Variants in PLEKHA5 observed in about 807,000 individuals in gnomAD.
PLEKHA5 encodes pleckstrin homology domain containing A5.
A neutral mutation model predicts 181.9 loss-of-function variants in PLEKHA5; 55 were observed. The observed-to-expected ratio is 0.30, with a 90% CI of 0.24 to 0.38. The LOEUF is 0.38. Among genes scored for constraint, PLEKHA5 ranks in the 10% least tolerant of loss-of-function variants. The pLI is 1.00. For synonymous variants in PLEKHA5, 535 were observed against 529.4 expected, an observed-to-expected ratio of 1.01 and a Z score of -0.15; for missense variants, 1,432 against 1,549.5, an observed-to-expected ratio of 0.92 and a Z score of 1.27.
rs2091080329 is a variant in PLEKHA5 at position 19,322,359 on chromosome 12, AAGAGAAACTT to A, written c.2268_2277del (p.Glu756AspfsTer22). ...CAAGATAAAGTGGTGCATGCTCTGG[AAGAGAAACTT>A]CAGCAACTCCACAAGGAGAAAGTAG... On this transcript the variant is annotated frameshift_variant, in exon 19 of 32. Coordinates refer to ENST00000429027, the MANE Select transcript of PLEKHA5 (RefSeq NM_001256470.2). LOFTEE classifies it high-confidence loss of function. 1 of 1,613,374 alleles carries A rather than the reference AAGAGAAACTT, an allele frequency of 6.2e-7. No homozygotes were observed. Among genetic ancestry groups the A allele is most frequent in the Non-Finnish European group, 8.5e-7 (1 of 1,179,454 alleles).
At chr12:19,166,892 T>C (rs896646382) in intron 3 of PLEKHA5, among the ~76,000 whole-genome samples, 1 of 152,226 alleles carries the variant, frequency 6.6e-6, no homozygotes, top group African/African-American at 2.4e-5. Context: ...AATTAAGTTA[T>C]CAAATTCCAA....
At chr12:19,225,202 A>G (rs2152330542) in intron 3 of PLEKHA5, among the ~76,000 whole-genome samples, 1 of 152,216 alleles carries the variant, frequency 6.6e-6, no homozygotes, top group Middle Eastern at 3.4e-3. Flanking sequence ...GAGAGTCTCA[A>G]TATTTCACGG....
Position 19,322,306 on chromosome 12 carries a change from C to T in PLEKHA5, c.2218-4C>T. ...CTAACAAGACATCTTCTCTTATAACCTAGGCCAAGTTAAGCCGATTATGTG... is the reference window on the plus strand; with the variant it reads ...CTAACAAGACATCTTCTCTTATAACTTAGGCCAAGTTAAGCCGATTATGTG... On this transcript the variant is annotated splice_region_variant and splice_polypyrimidine_tract_variant and intron_variant, in intron 18 of 31. Coordinates refer to ENST00000429027, the MANE Select transcript of PLEKHA5 (RefSeq NM_001256470.2). 6.2e-7 allele frequency: 1 copy of T among 1,607,390 alleles called. No individual in the cohort carries two copies.
In PLEKHA5 at chr12:19,287,547, A is replaced by G; in HGVS notation, c.1854A>G (p.Gln618=). ...TLQSVSPQSL[Q]GKTPEELTLL... ...AGTCTGTTAGTCCCCAGAGCCTCCA[A>G]GGGAAAACGGTGAGTAATATCTTTA... is the stretch of plus-strand genomic sequence containing the variant. The change falls in exon 13 of 32, where the codon CAA becomes CAG. Residue 618 remains glutamine (Q), a synonymous_variant. Coordinates refer to ENST00000429027, the MANE Select transcript of PLEKHA5 (RefSeq NM_001256470.2). 6.3e-7 allele frequency: 1 copy of G among 1,584,632 alleles called. No homozygotes were observed. Among genetic ancestry groups the G allele is most frequent in the East Asian group, 2.2e-5 (1 of 44,724 alleles).
chr12:19,129,983 G>A (rs1054855439), intron 1 of PLEKHA5, 68 bp from the exon 2 acceptor site: 22 of 1,453,220 alleles, frequency 1.5e-5, no homozygotes, highest in Non-Finnish European at 2.1e-5. Context: ...CTGTGCTCCT[G>A]CAGCCCCTCG....
chr12:19,179,379 G>A lies in PLEKHA5; in HGVS notation c.227+46929G>A, dbSNP rs144961246. On this transcript the variant is annotated intron_variant, in intron 3 of 31. Coordinates refer to ENST00000429027, the MANE Select transcript of PLEKHA5 (RefSeq NM_001256470.2). ...TGAACAAAAGAATGAAGTGTTGGCC[G>A]GGCGTGGTGGCTCACACCTGTAATC... is the stretch of plus-strand genomic sequence containing the variant. Among the ~76,000 whole-genome samples, 77 of 152,220 alleles carry A rather than the reference G, an allele frequency of 5.1e-4. No individual in the cohort carries two copies. In the East Asian group the frequency reaches 0.014, roughly 27 times the overall value.
chr12:19,202,032 G>A (rs192814061), intron 3 of PLEKHA5: 10,886 of 965,426 alleles, frequency 0.011, 75 homozygotes, highest in Non-Finnish European at 0.013. Flanking sequence ...CTTTTTGTTC[G>A]TTCTTAATTA....
chr12:19,301,588 T>C (rs1481783294), intron 15 of PLEKHA5, among the ~76,000 whole-genome samples: 1 of 152,198 alleles, frequency 6.6e-6, no homozygotes, highest in Non-Finnish European at 1.5e-5. Context: ...AAAGTTTGCT[T>C]TCAAATATAC....
intron 3 of PLEKHA5, among the ~76,000 whole-genome samples, chr12:19,249,233 C>G (rs2064597616): frequency 6.6e-6 from 1 of 152,130 alleles, no homozygotes. Context: ...TAACAGCATG[C>G]CAGCATCACT....
At chr12:19,359,381 A>C (rs1451758244) in intron 27 of PLEKHA5, 31 bp from the exon 28 acceptor site, 1 of 1,594,484 alleles carries the variant, frequency 6.3e-7, no homozygotes, top group East Asian at 2.2e-5. Flanking sequence ...GCACAGTATG[A>C]GTATAAAAAT....
At chr12:19,233,691 A>T (rs1011647427) in intron 3 of PLEKHA5, among the ~76,000 whole-genome samples, 1 of 152,196 alleles carries the variant, frequency 6.6e-6, no homozygotes, top group Non-Finnish European at 1.5e-5. Context: ...AAAAATTACA[A>T]ATATCACAAT....
intron 13 of PLEKHA5, among the ~76,000 whole-genome samples, chr12:19,289,913 T>G (rs190483326): frequency 6.6e-6 from 1 of 151,668 alleles, no homozygotes; most frequent in African/African-American, 2.4e-5. Flanking sequence ...TATCCAAGTT[T>G]TATTTTATTT....
chr12:19,248,315 A>G (rs2064312699), intron 3 of PLEKHA5, among the ~76,000 whole-genome samples: 1 of 152,176 alleles, frequency 6.6e-6, no homozygotes, highest in African/African-American at 2.4e-5. Context: ...CTCATGCCGC[A>G]GCCACCAGAG....
intron 3 of PLEKHA5, among the ~76,000 whole-genome samples, chr12:19,195,809 A>T (rs2052576801): frequency 6.6e-6 from 1 of 152,030 alleles, no homozygotes; most frequent in Non-Finnish European, 1.5e-5. Flanking sequence ...TAATGTATGT[A>T]TATCATAGAT....
intron 3 of PLEKHA5, among the ~76,000 whole-genome samples, chr12:19,252,970 C>T (rs1478462722): frequency 6.7e-6 from 1 of 148,856 alleles, no homozygotes; most frequent in African/African-American, 2.5e-5. Context: ...GACACTCATA[C>T]TTACTTTTCA....
intron 11 of PLEKHA5, 42 bp from the exon 12 acceptor site, chr12:19,283,238 A>C: frequency 6.0e-5 from 61 of 1,015,076 alleles, no homozygotes; most frequent in Non-Finnish European, 7.8e-5. Flanking sequence ...TTGGAAAATA[A>C]CCCTCCTTCA....
At chr12:19,272,750 A>C (rs1674550779) in intron 10 of PLEKHA5, among the ~76,000 whole-genome samples, 1 of 152,184 alleles carries the variant, frequency 6.6e-6, no homozygotes, top group South Asian at 2.1e-4. Flanking sequence ...AATAATAATG[A>C]TAATAATCAT....
At chr12:19,338,882 C>CAA (rs955263125) in intron 21 of PLEKHA5, among the ~76,000 whole-genome samples, 3 of 108,978 alleles carry the variant, frequency 2.8e-5, no homozygotes, top group Admixed American at 9.5e-5. Flanking sequence ...AAGTCCATCT[C>CAA]AAAAAAAAAA....
At chr12:19,352,315 G>T (rs560518591) in intron 25 of PLEKHA5, among the ~76,000 whole-genome samples, 1 of 151,494 alleles carries the variant, frequency 6.6e-6, no homozygotes, top group Admixed American at 6.6e-5. Context: ...AGCCCAGGAG[G>T]CAGAGGTTGC....
Sources: gnomAD v4.1 joint callset for allele counts (sites outside exome capture counted in the v4.1 genomes callset) on GRCh38, gnomAD v4.1.1 for gene constraint, MANE v1.5 for transcripts, NCBI Gene and HGNC (gene_info 2026-07-23, HGNC 2026-07-21) for gene names.